LCT: variants seen among roughly 807,000 people sequenced by gnomAD.
LCT encodes lactase.
A neutral mutation model predicts 173.0 loss-of-function variants in LCT; 90 were observed. The observed-to-expected ratio is 0.52, with a 90% confidence interval of 0.44 to 0.62. LCT has a LOEUF of 0.62. LCT is among the 20% of genes least tolerant of loss of function. The pLI is 0.00. For missense variants in LCT, 1,864 were observed against 2,431.4 expected (o/e 0.77, Z 4.91); for synonymous variants, 853 against 957.6 (o/e 0.89, Z 2.02).
chr2:135,796,803 G>A (rs569858093), intron 13 of LCT, among the ~76,000 whole-genome samples: 2 of 152,154 alleles, frequency 1.3e-5, no homozygotes, highest in Admixed American at 6.5e-5. Flanking sequence ...GTAGGTGCTC[G>A]GCAAAGTTGT....
intron 1 of LCT, among the ~76,000 whole-genome samples, chr2:135,834,425 C>A (rs1262834018): frequency 6.7e-6 from 1 of 148,588 alleles, no homozygotes; most frequent in Non-Finnish European, 1.5e-5. Flanking sequence ...GACCTTGTGA[C>A]CCGCCTGCCT....
chr2:135,817,499 C>T lies in LCT; in HGVS notation c.1549G>A (p.Asp517Asn). Residue 517 changes from aspartate to asparagine, a missense_variant, in exon 6 of 17, where the codon GAT (aspartate) becomes AAT (asparagine). Physicochemically the swap from Asp to Asn is conservative, Grantham distance 23 (BLOSUM62 1). Around this residue, in one of 4 missense-constraint regions of LCT, gnomAD observed 183 missense variants for 293.1 expected, o/e 0.62. Coordinates refer to ENST00000264162, the MANE Select transcript of LCT (RefSeq NM_002299.4). ...HGGWQNESVV[D>N]AFLDYAAFCF... ...AAGGCCGCATAGTCCAGGAAGGCAT[C>T]CACCACGCTCTCATTCTGCCATCCA... The T allele has an allele frequency of 2.5e-6, 4 of 1,614,214 alleles. No individual in the cohort carries two copies. The highest frequency in any genetic ancestry group is 1.1e-5 in the South Asian group (1 of 91,088).
intron 6 of LCT, 56 bp downstream of exon 6, chr2:135,817,285 T>G: frequency 6.4e-7 from 1 of 1,574,452 alleles, no homozygotes; most frequent in South Asian, 1.1e-5. Flanking sequence ...AATGACTTTC[T>G]TCCAGCCAAT....
intron 8 of LCT, among the ~76,000 whole-genome samples, chr2:135,807,980 A>G (rs577482132): frequency 3.3e-5 from 5 of 151,758 alleles, no homozygotes; most frequent in Admixed American, 2.6e-4. Context: ...ATACAAAAAA[A>G]TTAGCCGGGC....
intron 13 of LCT, among the ~76,000 whole-genome samples, chr2:135,797,329 A>C (rs2077590102): frequency 1.3e-5 from 2 of 152,086 alleles, no homozygotes; most frequent in Non-Finnish European, 1.5e-5. Flanking sequence ...GGGAATTCAC[A>C]CTTGATTCCC....
At chr2:135,835,970 A>ATGTG (rs1553436113) in intron 1 of LCT, among the ~76,000 whole-genome samples, 4 of 123,308 alleles carry the variant, frequency 3.2e-5, no homozygotes, top group African/African-American at 1.4e-4. Flanking sequence ...TCAAAAATAC[A>ATGTG]TGTGTGTATA....
intron 3 of LCT, among the ~76,000 whole-genome samples, chr2:135,824,476 G>A (rs565894119): frequency 6.6e-6 from 1 of 152,204 alleles, no homozygotes; most frequent in African/African-American, 2.4e-5. Flanking sequence ...AGGAGTTTAA[G>A]GCTGCAGTGA....
Position 135,836,977 on chromosome 2 carries a change from GACAA to G in LCT, c.189_192del (p.Cys64ThrfsTer101). On this transcript the variant is annotated frameshift_variant, in exon 1 of 17. Transcript: ENST00000264162. LOFTEE classifies it high-confidence loss of function. ...GGCAGGAAAGTGGGCAGTGGCTGGTGACAAACATACATGTCTTTGTCCCCTGCTA... is the reference window on the plus strand; with the variant it reads ...GGCAGGAAAGTGGGCAGTGGCTGGTGACATACATGTCTTTGTCCCCTGCTA... The G allele has an allele frequency of 6.2e-7, 1 of 1,614,132 alleles. No individual in the cohort carries two copies. Among genetic ancestry groups the G allele is most frequent in the Non-Finnish European group, 8.5e-7 (1 of 1,179,982 alleles).
chr2:135,808,891 G>T lies in LCT; in HGVS notation c.3456C>A (p.Gly1152=). 1 of 1,614,216 alleles carries T rather than the reference G, an allele frequency of 6.2e-7. No individual in the cohort carries two copies. Among genetic ancestry groups the T allele is most frequent in the Non-Finnish European group, 8.5e-7 (1 of 1,180,038 alleles). ...AADRMLQFSL[G]WFAHPIFRNG... ...TTCTAAAAATGGGGTGAGCAAACCA[G>T]CCCAGGGAGAACTGCAGCATTCGGT... is the stretch of plus-strand genomic sequence containing the variant. Residue 1152 remains glycine (G), a synonymous_variant, in exon 8 of 17, where the codon GGC becomes GGA. Transcript: ENST00000264162.
Position 135,809,532 on chromosome 2 carries a change from G to C in LCT, c.2815C>G (p.Pro939Ala), listed in dbSNP as rs755177735. 3 of 1,614,236 alleles carry C rather than the reference G, an allele frequency of 1.9e-6. No homozygotes were observed. Among genetic ancestry groups the C allele is most frequent in the Non-Finnish European group, 2.5e-6 (3 of 1,180,040 alleles). The change falls in exon 8 of 17, where the codon CCA becomes GCA. Residue 939 changes from proline (P) to alanine (A), a missense_variant. By Grantham distance (27) the Pro-to-Ala change is conservative. Around this residue, in one of 4 missense-constraint regions of LCT, gnomAD observed 755 missense variants for 926.3 expected, o/e 0.82. Transcript: ENST00000264162. This position sits in a 1 kb window ranked among gnomAD's most constrained non-coding sequence, Gnocchi z 5.5. Reference protein sequence around the residue: ...PSIWDNFTHTPGSNVKDNATG... With the variant: ...PSIWDNFTHTAGSNVKDNATG... The stretch of plus-strand genomic sequence containing the variant: ...GCATTGTCTTTCACATTGCTCCCTG[G>C]TGTGTGGGTAAAGTTATCCCAGATG...
In LCT at chr2:135,809,838, A is replaced by T. The variant is rs770726903; in HGVS notation, c.2509T>A (p.Phe837Ile). ...TTCTTTTCTATGATGCTAGTGAAAAAGTAGGCAGATTTCCTGGGAGTCCTT... is the reference window on the plus strand; with the variant it reads ...TTCTTTTCTATGATGCTAGTGAAAATGTAGGCAGATTTCCTGGGAGTCCTT... ...KSRTPRKSAY[F>I]FTSIIEKNGF... Residue 837 changes from phenylalanine (F) to isoleucine (I), a missense_variant, in exon 8 of 17, where the codon TTT becomes ATT. Coordinates refer to ENST00000264162, the MANE Select transcript of LCT (RefSeq NM_002299.4). The surrounding 1 kb of genome is among the most constrained non-coding windows in gnomAD (Gnocchi z 5.5). The T allele has an allele frequency of 6.2e-7, 1 of 1,614,164 alleles. No individual in the cohort carries two copies. Among genetic ancestry groups the T allele is most frequent in the East Asian group, 2.2e-5 (1 of 44,884 alleles).
chr2:135,800,765 T>G lies in LCT; in HGVS notation c.4708A>C (p.Asn1570His). 1.2e-6 allele frequency: 2 copies of G among 1,614,110 alleles called. No individual in the cohort carries two copies. The highest frequency in any genetic ancestry group is 1.7e-6 in the Non-Finnish European group (2 of 1,180,030). ...GCCTCAGCATGAGCCTTTATTAGAT[T>G]GTGGCCAACAATGTAGGGGGCAGTG... is the stretch of plus-strand genomic sequence containing the variant. ...PGTAPYIVGHNLIKAHAEAWH... is the reference protein window; with the variant it reads ...PGTAPYIVGHHLIKAHAEAWH... The change falls in exon 12 of 17, where the codon AAT (asparagine) becomes CAT (histidine). Residue 1570 changes from asparagine (N) to histidine (H), a missense_variant. Transcript: ENST00000264162.
intron 6 of LCT, among the ~76,000 whole-genome samples, chr2:135,814,750 C>T (rs914898239): frequency 6.6e-6 from 1 of 152,016 alleles, no homozygotes; most frequent in Non-Finnish European, 1.5e-5. Flanking sequence ...CCCCTGATCT[C>T]GTGATCCGCC....
At chr2:135,794,250 AT>A (rs1161724288) in intron 14 of LCT, 2 of 170,114 alleles carry the variant, frequency 1.2e-5, no homozygotes, top group Non-Finnish European at 2.6e-5. Context: ...TTACTCTTGT[AT>A]TATTGTAATA....
intron 6 of LCT, among the ~76,000 whole-genome samples, chr2:135,815,198 T>C (rs2077769300): frequency 6.6e-6 from 1 of 152,162 alleles, no homozygotes. Flanking sequence ...TGGTGTTTTG[T>C]TATTGCAGCT....
At chr2:135,795,604 C>CTAATAATTATTATAA (rs57023267) in intron 13 of LCT, among the ~76,000 whole-genome samples, 1 of 146,050 alleles carries the variant, frequency 6.8e-6, no homozygotes, top group African/African-American at 2.5e-5. Context: ...TTCTCCAACT[C>CTAATAATTATTATAA]TAATAATAAT....
intron 12 of LCT, among the ~76,000 whole-genome samples, chr2:135,799,715 G>T (rs771507568): frequency 2.4e-4 from 37 of 152,212 alleles, no homozygotes; most frequent in Non-Finnish European, 4.7e-4. Flanking sequence ...CTCCCAAAGT[G>T]CTGGGATTAC....
At chr2:135,797,991 C>T (rs758207001) in intron 13 of LCT, 38 bp downstream of exon 13, 27 of 1,134,942 alleles carry the variant, frequency 2.4e-5, no homozygotes, top group East Asian at 4.7e-5. Flanking sequence ...GTGACCCCGA[C>T]GCCCATGCCC....
At chr2:135,829,892 G>C (rs1455453277) in intron 2 of LCT, among the ~76,000 whole-genome samples, 1 of 150,530 alleles carries the variant, frequency 6.6e-6, no homozygotes, top group East Asian at 2.0e-4. Flanking sequence ...TATGTTGTTG[G>C]GAATGCATCA....
Sources: gnomAD v4.1 joint callset for allele counts (sites outside exome capture counted in the v4.1 genomes callset) on GRCh38, gnomAD v4.1.1 for gene constraint, gnomAD v4.1.1 regional missense constraint, Gnocchi (gnomAD v3.1) non-coding constraint, MANE v1.5 for transcripts, NCBI Gene and HGNC (gene_info 2026-07-23, HGNC 2026-07-21) for gene names.